CACNA2D3: variants seen among roughly 807,000 people sequenced by gnomAD.
The protein encoded by CACNA2D3 is calcium voltage-gated channel auxiliary subunit alpha2delta 3.
A neutral mutation model predicts 160.6 loss-of-function variants in CACNA2D3; 60 were observed. The ratio of observed to expected loss-of-function variants is 0.37; its 90% CI spans 0.30 to 0.46. The LOEUF (loss-of-function observed/expected upper bound fraction) is 0.46, where lower values mean the gene tolerates loss of function less well. Among genes scored for constraint, CACNA2D3 ranks in the 20% least tolerant of loss-of-function variants. The pLI, the probability that CACNA2D3 is intolerant of heterozygous loss-of-function variation, is 1.00. For synonymous variants in CACNA2D3, 558 were observed against 492.9 expected (o/e 1.13, Z -1.75); for missense variants, 1,205 against 1,365.0 (o/e 0.88, Z 1.85).
At chr3:54,785,944 A>G (rs1223821612) in intron 13 of CACNA2D3, among the ~76,000 whole-genome samples, 2 of 151,734 alleles carry the variant, frequency 1.3e-5, no homozygotes, top group South Asian at 2.1e-4. Context: ...TTTTGGGTTC[A>G]CTCTTAACAC....
chr3:54,145,739 A>G (rs1417841224), intron 2 of CACNA2D3, among the ~76,000 whole-genome samples: 1 of 152,228 alleles, frequency 6.6e-6, no homozygotes, highest in East Asian at 1.9e-4. Flanking sequence ...ACCAACAGGC[A>G]ACTTTTCAAT....
At chr3:54,503,420 T>C in intron 4 of CACNA2D3, 72 bp from the exon 5 acceptor site, 2 of 1,379,856 alleles carry the variant, frequency 1.4e-6, no homozygotes, top group Non-Finnish European at 2.1e-6. Context: ...ACATGGCCTG[T>C]GCCCAGGTCT....
chr3:54,249,764 G>A lies in CACNA2D3; in HGVS notation c.205-70678G>A, dbSNP rs1185985490. Reference sequence around the variant, plus strand: ...ATTCAACATTCTATACCAAAATTATGTTTTTTTTTTTTTTATGTGAGTGGG... The same window carrying A: ...ATTCAACATTCTATACCAAAATTATATTTTTTTTTTTTTTATGTGAGTGGG... On this transcript the variant is annotated intron_variant, in intron 2 of 37. Transcript: ENST00000474759. Among the ~76,000 whole-genome samples, 38 of 141,428 alleles carry A rather than the reference G, an allele frequency of 2.7e-4. No homozygotes were observed. In the East Asian group the frequency reaches 7.8e-3, roughly 29 times the overall value. 92.8% of individuals were successfully genotyped at this position (141,428 alleles called of 152,430 possible). A position where few individuals can be genotyped will look rare whatever the true frequency, so the allele number is the denominator to read the frequency against.
intron 4 of CACNA2D3, among the ~76,000 whole-genome samples, chr3:54,450,440 C>T (rs774610720): frequency 1.4e-4 from 22 of 152,138 alleles, no homozygotes; most frequent in Non-Finnish European, 8.8e-5. Flanking sequence ...GAATGTTTGT[C>T]CCCTATGAAT....
Position 55,004,775 on chromosome 3 carries a change from T to C in CACNA2D3, c.2703T>C (p.Tyr901=). ...TMGSFKRITL[Y]DYQAMCRANK... The stretch of plus-strand genomic sequence containing the variant: ...TTCTTTCCTGTAGAATTACCCTTTA[T>C]GACTACCAAGCCATGTGTAGAGCCA... Residue 901 remains tyrosine, a synonymous_variant, in exon 32 of 38, where the codon TAT becomes TAC. Coordinates refer to ENST00000474759, the MANE Select transcript of CACNA2D3 (RefSeq NM_018398.3). The C allele has an allele frequency of 6.2e-7, 1 of 1,613,284 alleles. No homozygotes were observed. The highest frequency in any genetic ancestry group is 8.5e-7 in the Non-Finnish European group (1 of 1,179,294).
intron 13 of CACNA2D3, among the ~76,000 whole-genome samples, chr3:54,781,453 G>A (rs541713541): frequency 6.6e-6 from 1 of 152,310 alleles, no homozygotes; most frequent in East Asian, 1.9e-4. Flanking sequence ...CAGTAAACAG[G>A]AGAGTCTACT....
chr3:54,650,033 TGCATGAACTGACCC>T (rs1699729498), intron 11 of CACNA2D3, among the ~76,000 whole-genome samples: 1 of 152,174 alleles, frequency 6.6e-6, no homozygotes, highest in Admixed American at 6.5e-5. Context: ...TAGATGTCAC[TGCATGAACTGACCC>T]TCACCTGGTT....
intron 4 of CACNA2D3, among the ~76,000 whole-genome samples, chr3:54,424,107 T>C (rs979966891): frequency 6.6e-6 from 1 of 152,104 alleles, no homozygotes; most frequent in African/African-American, 2.4e-5. Flanking sequence ...TGTGTGTGTG[T>C]GTGTTTGTAG....
intron 11 of CACNA2D3, among the ~76,000 whole-genome samples, chr3:54,648,039 T>TA (rs961005599): frequency 1.6e-4 from 24 of 151,788 alleles, no homozygotes; most frequent in African/African-American, 5.1e-4. Flanking sequence ...CCAAGTGAAC[T>TA]AAAAAAAAGG....
At chr3:54,565,877 A>G (rs4955897) in intron 6 of CACNA2D3, among the ~76,000 whole-genome samples, 25,328 of 152,204 alleles carry the variant, frequency 0.17, 2,216 homozygotes, top group Middle Eastern at 0.25. Context: ...ATCCTGAACC[A>G]TCAGGCTTTC....
At chr3:54,166,873 C>T (rs1052859396) in intron 2 of CACNA2D3, among the ~76,000 whole-genome samples, 1 of 152,148 alleles carries the variant, frequency 6.6e-6, no homozygotes, top group Non-Finnish European at 1.5e-5. Flanking sequence ...TTACATTGGA[C>T]TGATGATAGA....
At chr3:54,518,694 A>G (rs1701595143) in intron 5 of CACNA2D3, among the ~76,000 whole-genome samples, 1 of 152,246 alleles carries the variant, frequency 6.6e-6, no homozygotes, top group Admixed American at 6.5e-5. Flanking sequence ...AGTTCGATGA[A>G]GGAGATACTA....
intron 2 of CACNA2D3, among the ~76,000 whole-genome samples, chr3:54,195,122 A>T (rs773910247): frequency 2.6e-5 from 4 of 152,150 alleles, no homozygotes; most frequent in African/African-American, 9.7e-5. Context: ...AGGTTTCCTA[A>T]TATGCACATT....
intron 11 of CACNA2D3, among the ~76,000 whole-genome samples, chr3:54,689,981 C>T (rs1384407020): frequency 6.6e-6 from 1 of 152,056 alleles, no homozygotes; most frequent in Non-Finnish European, 1.5e-5. Context: ...GTGTCTCCAG[C>T]CTGGACAACC....
At chr3:54,194,590 A>T (rs1358202461) in intron 2 of CACNA2D3, among the ~76,000 whole-genome samples, 1 of 152,174 alleles carries the variant, frequency 6.6e-6, no homozygotes, top group Non-Finnish European at 1.5e-5. Context: ...TGCTATAACA[A>T]AATACCCGAG....
Position 54,350,205 on chromosome 3 carries a change from A to G in CACNA2D3, c.321+29647A>G, listed in dbSNP as rs150397498. On this transcript the variant is annotated intron_variant, in intron 3 of 37. Transcript: ENST00000474759. The stretch of plus-strand genomic sequence containing the variant: ...CTCCTCTTTTTTTTATTTATTTATT[A>G]AAAGCTGTTAAAATAACTGTACTCT... Among the ~76,000 whole-genome samples, 366 of 152,262 alleles carry G rather than the reference A, an allele frequency of 2.4e-3. 4 individuals are homozygous for G. The highest frequency in any genetic ancestry group is 8.4e-3 in the African/African-American group (348 of 41,562).
chr3:54,850,301 T>G (rs921859931), intron 17 of CACNA2D3, among the ~76,000 whole-genome samples: 1 of 152,184 alleles, frequency 6.6e-6, no homozygotes, highest in African/African-American at 2.4e-5. Flanking sequence ...AGACACCTGT[T>G]CTCAAGGTGG....
chr3:54,297,582 C>G (rs1703369585), intron 2 of CACNA2D3, among the ~76,000 whole-genome samples: 1 of 152,034 alleles, frequency 6.6e-6, no homozygotes, highest in Non-Finnish European at 1.5e-5. Flanking sequence ...GAGATGGTTC[C>G]TGTTTTGAGT....
intron 17 of CACNA2D3, among the ~76,000 whole-genome samples, chr3:54,859,972 G>GCACACACACACACACA (rs1553891454): frequency 3.7e-5 from 5 of 133,788 alleles, no homozygotes; most frequent in Admixed American, 7.4e-5. Flanking sequence ...GAAAGTAGAT[G>GCACACACACACACACA]CACACACACA....
Sources: allele counts gnomAD v4.1 joint callset (sites outside exome capture counted in the v4.1 genomes callset), GRCh38; gene constraint gnomAD v4.1.1; transcripts MANE v1.5; gene names NCBI Gene and HGNC (gene_info 2026-07-23, HGNC 2026-07-21).